RPS3: variants seen among roughly 807,000 people sequenced by gnomAD.
The protein encoded by RPS3 is small ribosomal subunit protein uS3.
In RPS3, 2 loss-of-function variants were observed where a neutral mutation model predicts 25.8. The observed-to-expected ratio is 0.08, with a 90% CI of 0.03 to 0.24. The LOEUF is 0.24. RPS3 is among the 10% of genes least tolerant of loss of function. The pLI is 1.00. For synonymous variants in RPS3, 114 were observed against 114.2 expected, an observed-to-expected ratio of 1.00 and a Z score of 0.01; for missense variants, 107 against 307.1, an observed-to-expected ratio of 0.35 and a Z score of 4.87.
downstream of RPS3, among the ~76,000 whole-genome samples, chr11:75,410,549 C>A (rs1448820233): frequency 6.6e-6 from 1 of 151,448 alleles, no homozygotes; most frequent in Non-Finnish European, 1.5e-5. Flanking sequence ...AGACGATGGG[C>A]GGCCAGGCAG....
chr11:75,400,702 T>C lies in RPS3; in HGVS notation c.39T>C (p.Ala13=), dbSNP rs772604089. ...VQISKKRKFV[A]DGIFKAELNE... ...TGCTTTGTTTGGATTAGTTTGTCGC[T>C]GATGGCATCTTCAAAGCTGAACTGA... is the stretch of plus-strand genomic sequence containing the variant. Residue 13 remains alanine, a synonymous_variant, in exon 2 of 7, where the codon GCT becomes GCC. Coordinates refer to ENST00000531188, the MANE Select transcript of RPS3 (RefSeq NM_001005.5). 4.3e-6 allele frequency: 7 copies of C among 1,612,670 alleles called. No homozygotes were observed. In the East Asian group the frequency reaches 6.7e-5, roughly 15 times the overall value.
downstream of RPS3, among the ~76,000 whole-genome samples, chr11:75,407,224 C>T (rs1011928938): frequency 1.3e-4 from 20 of 152,196 alleles, no homozygotes; most frequent in African/African-American, 4.8e-4. Context: ...CTGCAACCTC[C>T]GCCTCCTGGG....
At chr11:75,407,709 C>T (rs12281974), downstream of RPS3, among the ~76,000 whole-genome samples, 389 of 152,188 alleles carry the variant, frequency 2.6e-3, 2 homozygotes, top group African/African-American at 9.0e-3. Flanking sequence ...CCTCGTGATC[C>T]GCCTGCCTCG....
chr11:75,411,711 A>G (rs969357450), downstream of RPS3, among the ~76,000 whole-genome samples: 1 of 152,206 alleles, frequency 6.6e-6, no homozygotes, highest in Non-Finnish European at 1.5e-5. Flanking sequence ...TTAAGTGGGG[A>G]GGGAGAGTTG....
downstream of RPS3, among the ~76,000 whole-genome samples, chr11:75,408,549 C>T (rs540998386): frequency 9.9e-5 from 15 of 152,080 alleles, no homozygotes; most frequent in Non-Finnish European, 1.6e-4. Context: ...TGCAGTGGCT[C>T]ATGTCTGTAA....
chr11:75,405,266 G>A (rs1247368802), intron 6 of RPS3: 2 of 192,846 alleles, frequency 1.0e-5, no homozygotes, highest in African/African-American at 2.4e-5. Flanking sequence ...TAGTAGAGAC[G>A]GGGTTTCACC....
At chr11:75,403,169 A>G (rs979914518) in intron 4 of RPS3, 2 of 152,220 alleles carry the variant, frequency 1.3e-5, no homozygotes, top group African/African-American at 2.4e-5. Context: ...AGGTAAGGAC[A>G]TAGAAAAGAC....
chr11:75,411,965 G>C (rs957213632), intron 6 of RPS3, among the ~76,000 whole-genome samples: 2 of 152,222 alleles, frequency 1.3e-5, no homozygotes, highest in African/African-American at 4.8e-5. Context: ...AGAGATCTTA[G>C]CTTGTAATCT....
chr11:75,409,128 C>T (rs1038063356), downstream of RPS3, among the ~76,000 whole-genome samples: 5 of 151,992 alleles, frequency 3.3e-5, no homozygotes, highest in East Asian at 1.9e-4. Context: ...ACTACAGGCA[C>T]GTGCCACCAT....
At chr11:75,402,535 C>A (rs954223748) in intron 4 of RPS3, 89 bp downstream of exon 4, 4 of 1,391,628 alleles carry the variant, frequency 2.9e-6, no homozygotes, top group Non-Finnish European at 4.0e-6. Context: ...TGAACTGTTA[C>A]AAAGTTACAG....
chr11:75,421,783 G>C (rs1009715045), exon 7 of RPS3: 3 of 152,236 alleles, frequency 2.0e-5, no homozygotes, highest in Non-Finnish European at 2.9e-5. Context: ...AGTGAGTCCT[G>C]ATAATCTCAA....
downstream of RPS3, among the ~76,000 whole-genome samples, chr11:75,410,759 G>A (rs1410837249): frequency 5.9e-5 from 9 of 152,304 alleles, no homozygotes; most frequent in South Asian, 6.2e-4. Context: ...CGAGGCTGGC[G>A]GATCACTCGC....
chr11:75,413,810 T>A (rs760323425), intron 6 of RPS3, among the ~76,000 whole-genome samples: 13 of 152,110 alleles, frequency 8.5e-5, no homozygotes, highest in Non-Finnish European at 1.6e-4. Flanking sequence ...AATTAGGTAT[T>A]GTATCTGCAA....
Position 75,404,431 on chromosome 11 carries a change from G to A in RPS3, c.538+224G>A. ...AGCCATCTGTGTACCCTTCAGTGATGACACGATGACGAGTCAGAAAGGTCA... is the reference window on the plus strand; with the variant it reads ...AGCCATCTGTGTACCCTTCAGTGATAACACGATGACGAGTCAGAAAGGTCA... On this transcript the variant is annotated intron_variant, in intron 5 of 6. Transcript: ENST00000531188. This position sits in a 1 kb window ranked among gnomAD's most constrained non-coding sequence, Gnocchi z 4.6. The A allele has an allele frequency of 3.8e-6, 3 of 783,282 alleles. No individual in the cohort carries two copies. The highest frequency in any genetic ancestry group is 3.4e-5 in the Admixed American group (2 of 58,848). 48.5% of individuals were successfully genotyped at this position (783,282 alleles called of 1,614,324 possible).
intron 3 of RPS3, 48 bp from the exon 4 acceptor site, chr11:75,402,304 T>C: frequency 2.5e-6 from 4 of 1,597,380 alleles, no homozygotes; most frequent in Non-Finnish European, 3.4e-6. Context: ...CAACTTTCAG[T>C]TGAAAATAAT....
chr11:75,404,171 G>A lies in RPS3; in HGVS notation c.502G>A (p.Val168Ile). ...IHSGDPVNYY[V>I]DTAVRHVLLR... is the part of the protein sequence containing the mutation. ...CAGCGGAGACCCTGTTAACTACTAC[G>A]TTGACACTGCTGTGCGCCACGTGTT... is the stretch of plus-strand genomic sequence containing the variant. The change falls in exon 5 of 7, where the codon GTT becomes ATT. Residue 168 changes from valine (V) to isoleucine (I), a missense_variant. By Grantham distance (29) the Val-to-Ile change is conservative. Transcript: ENST00000531188. This position sits in a 1 kb window ranked among gnomAD's most constrained non-coding sequence, Gnocchi z 4.6. 1.9e-6 allele frequency: 3 copies of A among 1,614,154 alleles called. No homozygotes were observed. Among genetic ancestry groups the A allele is most frequent in the Non-Finnish European group, 2.5e-6 (3 of 1,180,016 alleles).
At chr11:75,409,247 G>C (rs1948319454), downstream of RPS3, among the ~76,000 whole-genome samples, 1 of 144,740 alleles carries the variant, frequency 6.9e-6, no homozygotes, top group Non-Finnish European at 1.5e-5. Flanking sequence ...GGATTTGGCA[G>C]GGTCATAGGA....
chr11:75,404,855 C>T lies in RPS3; in HGVS notation c.722C>T (p.Pro241Leu). The T allele has an allele frequency of 6.2e-7, 1 of 1,611,324 alleles. No individual in the cohort carries two copies. The highest frequency in any genetic ancestry group is 8.5e-7 in the Non-Finnish European group (1 of 1,178,192). The change falls in exon 6 of 7, where the codon CCC becomes CTC. Residue 241 changes from proline (P) to leucine (L), a missense_variant. Coordinates refer to ENST00000531188, the MANE Select transcript of RPS3 (RefSeq NM_001005.5). The surrounding 1 kb of genome is among the most constrained non-coding windows in gnomAD (Gnocchi z 4.6). ...PEPPAMPQPV[P>L]TA ...CCGCCTGCCATGCCCCAGCCAGTCC[C>T]CACAGCATAACAGGTATGTCTGCAA...
chr11:75,407,394 T>G (rs563649680), downstream of RPS3, among the ~76,000 whole-genome samples: 4 of 152,354 alleles, frequency 2.6e-5, no homozygotes, highest in Admixed American at 6.5e-5. Context: ...CACCTCGGCC[T>G]TCCAGAGTGC....
Sources: allele counts gnomAD v4.1 joint callset (sites outside exome capture counted in the v4.1 genomes callset), GRCh38; gene constraint gnomAD v4.1.1; non-coding constraint Gnocchi (gnomAD v3.1); transcripts MANE v1.5; gene names NCBI Gene and HGNC (gene_info 2026-07-23, HGNC 2026-07-21).